The following ACYP2 variants were observed in gnomAD, a reference collection of about 807,000 sequenced individuals.
ACYP2 encodes the protein acylphosphatase-2.
In ACYP2, 12 loss-of-function variants were observed where a neutral mutation model predicts 11.2. That is an observed-to-expected ratio of 1.08 (90% CI 0.69 to 1.74). The LOEUF (loss-of-function observed/expected upper bound fraction) is 1.74. Ranked by LOEUF, ACYP2 falls within the 40% of genes most tolerant of loss-of-function variation. ACYP2 has a pLI of 0.00. For synonymous variants in ACYP2, 43 were observed against 32.2 expected, an observed-to-expected ratio of 1.33 and a Z score of -1.13; for missense variants, 134 against 101.9, an observed-to-expected ratio of 1.31 and a Z score of -1.35.
At chr2:54,245,264 C>T (rs1686897930) in intron 6 of ACYP2, among the ~76,000 whole-genome samples, 1 of 152,072 alleles carries the variant, frequency 6.6e-6, no homozygotes, top group South Asian at 2.1e-4. Flanking sequence ...TACCACATTT[C>T]CTTGATTCAT....
At chr2:54,042,966 C>T (rs1675317337) in intron 2 of ACYP2, among the ~76,000 whole-genome samples, 1 of 152,194 alleles carries the variant, frequency 6.6e-6, no homozygotes, top group African/African-American at 2.4e-5. Context: ...GCTCTGTCTA[C>T]CTTGCTCTAC....
chr2:54,065,350 A>G, intron 4 of ACYP2: 1 of 394,992 alleles, frequency 2.5e-6, no homozygotes, highest in Admixed American at 4.4e-5. Context: ...CCTGATTGCT[A>G]TCGATAATTT....
chr2:54,233,232 T>C (rs1686320637), intron 6 of ACYP2, among the ~76,000 whole-genome samples: 1 of 152,142 alleles, frequency 6.6e-6, no homozygotes, highest in Admixed American at 6.6e-5. Flanking sequence ...TTGATAGCTT[T>C]TGACATATGT....
At chr2:54,171,945 G>A (rs547549923) in intron 6 of ACYP2, among the ~76,000 whole-genome samples, 13 of 152,172 alleles carry the variant, frequency 8.5e-5, no homozygotes, top group Admixed American at 4.6e-4. Context: ...TGGGTGTGGC[G>A]GTTCACACCT....
chr2:54,092,649 A>T (rs1400885411), intron 4 of ACYP2, among the ~76,000 whole-genome samples: 1 of 152,138 alleles, frequency 6.6e-6, no homozygotes, highest in Non-Finnish European at 1.5e-5. Flanking sequence ...AGAGGGAAAG[A>T]CTGTAACTTG....
chr2:54,155,931 A>G (rs916051107), intron 6 of ACYP2, among the ~76,000 whole-genome samples: 2 of 152,244 alleles, frequency 1.3e-5, no homozygotes, highest in Non-Finnish European at 2.9e-5. Flanking sequence ...AGATACTTGA[A>G]ATTATTTCAC....
intron 2 of ACYP2, among the ~76,000 whole-genome samples, chr2:53,994,544 C>A (rs1401240968): frequency 6.8e-6 from 1 of 147,208 alleles, no homozygotes; most frequent in Non-Finnish European, 1.5e-5. Flanking sequence ...AGGAAACTGG[C>A]AGGAAAGAGG....
chr2:54,244,096 A>C (rs1686845350), intron 6 of ACYP2, among the ~76,000 whole-genome samples: 1 of 152,158 alleles, frequency 6.6e-6, no homozygotes, highest in African/African-American at 2.4e-5. Context: ...GGTATATAGT[A>C]TGAGGCATGA....
chr2:54,024,153 T>A (rs1674154959), intron 2 of ACYP2, among the ~76,000 whole-genome samples: 1 of 152,072 alleles, frequency 6.6e-6, no homozygotes, highest in Non-Finnish European at 1.5e-5. Context: ...GTGGGTGGAT[T>A]ACCTGAGGTC....
intron 2 of ACYP2, among the ~76,000 whole-genome samples, chr2:54,034,984 C>A (rs1392172848): frequency 1.7e-5 from 2 of 114,784 alleles, no homozygotes; most frequent in African/African-American, 3.1e-5. Context: ...CACTCCAGCC[C>A]AGGCGACAGT....
At chr2:54,186,918 TA>T (rs201980996) in intron 6 of ACYP2, among the ~76,000 whole-genome samples, 6 of 151,798 alleles carry the variant, frequency 4.0e-5, no homozygotes, top group South Asian at 2.1e-4. Flanking sequence ...GTTCATTAAT[TA>T]AAAAAAAATT....
intron 6 of ACYP2, among the ~76,000 whole-genome samples, chr2:54,204,076 C>T (rs184811293): frequency 3.6e-4 from 55 of 152,294 alleles, no homozygotes; most frequent in African/African-American, 1.3e-3. Context: ...CTCACTGCGA[C>T]CTCTGCCTCC....
chr2:53,989,479 G>T (rs1672184060), intron 2 of ACYP2, among the ~76,000 whole-genome samples: 1 of 152,032 alleles, frequency 6.6e-6, no homozygotes, highest in Non-Finnish European at 1.5e-5. Flanking sequence ...CACCTAATGT[G>T]TGTATTTAGG....
At chr2:54,146,301 T>A (rs1446597629) in intron 6 of ACYP2, among the ~76,000 whole-genome samples, 1 of 152,228 alleles carries the variant, frequency 6.6e-6, no homozygotes, top group Admixed American at 6.5e-5. Flanking sequence ...TTCTCCATTT[T>A]CACAACCATC....
At chr2:54,163,139 A>G (rs896978901) in intron 6 of ACYP2, among the ~76,000 whole-genome samples, 1 of 152,182 alleles carries the variant, frequency 6.6e-6, no homozygotes, top group Admixed American at 6.5e-5. Context: ...AAACTCCCAA[A>G]CAGTATGGAT....
Position 54,226,583 on chromosome 2 carries a change from C to G in ACYP2, c.405-78105C>G, listed in dbSNP as rs577317798. On this transcript the variant is annotated intron_variant, in intron 6 of 6. Transcript: ENST00000607452. ...CAGGGTATTTCTTAGGCTTGGGTCA[C>G]AGGATGAATTTGAGTAATCAATCCT... is the stretch of plus-strand genomic sequence containing the variant. Among the ~76,000 whole-genome samples the G allele has an allele frequency of 3.9e-5, 6 of 152,312 alleles. No individual in the cohort carries two copies. In the South Asian group the frequency reaches 1.0e-3, roughly 26 times the overall value.
intron 4 of ACYP2, among the ~76,000 whole-genome samples, chr2:54,073,946 A>T (rs1677194527): frequency 6.6e-6 from 1 of 152,240 alleles, no homozygotes; most frequent in African/African-American, 2.4e-5. Flanking sequence ...AATGAAAAAT[A>T]GTGCAAATTC....
chr2:54,209,189 A>T (rs1415824747), intron 6 of ACYP2, among the ~76,000 whole-genome samples: 2 of 152,180 alleles, frequency 1.3e-5, no homozygotes. Context: ...GATTTAAAAA[A>T]ATATATTTAA....
intron 6 of ACYP2, among the ~76,000 whole-genome samples, chr2:54,143,485 G>A (rs1478515079): frequency 1.3e-5 from 2 of 152,162 alleles, no homozygotes; most frequent in African/African-American, 2.4e-5. Flanking sequence ...CCACGCTGGA[G>A]TGCAATGGTA....
Sources: gnomAD v4.1 joint callset for allele counts (sites outside exome capture counted in the v4.1 genomes callset) on GRCh38, gnomAD v4.1.1 for gene constraint, MANE v1.5 for transcripts, NCBI Gene and HGNC (gene_info 2026-07-23, HGNC 2026-07-21) for gene names.